The following ITSN2 variants were observed in gnomAD, a reference collection of about 807,000 sequenced individuals.
The protein encoded by ITSN2 is intersectin 2.
ITSN2 carries 156 observed loss-of-function variants against 243.7 expected under a neutral mutation model. The observed-to-expected ratio is 0.64, with a 90% CI of 0.56 to 0.73. The LOEUF is 0.73. Ranked by LOEUF, ITSN2 falls within the 30% of genes least tolerant of loss-of-function variation. The probability of loss-of-function intolerance (pLI) is 0.00; values close to 1 mark genes in which losing one functional copy is unlikely to be tolerated. For missense variants in ITSN2, 1,801 were observed against 1,996.1 expected (o/e 0.90, Z 1.86); for synonymous variants, 703 against 699.9 (o/e 1.00, Z -0.07).
chr2:24,263,057 C>T (rs1207022674), intron 20 of ITSN2, among the ~76,000 whole-genome samples: 3 of 152,158 alleles, frequency 2.0e-5, no homozygotes, highest in South Asian at 2.1e-4. Flanking sequence ...TTCTAACTTC[C>T]CCCAACCCAA....
At chr2:24,240,660 C>T (rs952743718) in intron 29 of ITSN2, 4 of 152,128 alleles carry the variant, frequency 2.6e-5, no homozygotes, top group African/African-American at 9.7e-5. Context: ...AAATATGCCT[C>T]TAACTGAAAC....
chr2:24,325,266 T>C (rs1025127337), intron 2 of ITSN2, among the ~76,000 whole-genome samples: 4 of 151,856 alleles, frequency 2.6e-5, no homozygotes, highest in Non-Finnish European at 4.4e-5. Context: ...AAAAATTAGC[T>C]GGGTGTGGTG....
intron 2 of ITSN2, among the ~76,000 whole-genome samples, chr2:24,322,151 T>C (rs914995074): frequency 9.9e-5 from 15 of 152,180 alleles, no homozygotes; most frequent in African/African-American, 3.6e-4. Context: ...AAAGATTACA[T>C]GTAATATACC....
chr2:24,318,857 C>T (rs563347961), intron 2 of ITSN2, among the ~76,000 whole-genome samples: 4 of 152,234 alleles, frequency 2.6e-5, no homozygotes, highest in Admixed American at 6.5e-5. Flanking sequence ...GGAACCTGGC[C>T]GCACAGAAGG....
intron 30 of ITSN2, among the ~76,000 whole-genome samples, chr2:24,219,169 A>G (rs375944271): frequency 9.2e-4 from 140 of 152,268 alleles, no homozygotes; most frequent in African/African-American, 3.3e-3. Flanking sequence ...GGTGGTCACT[A>G]ACCCCAGGTT....
intron 9 of ITSN2, among the ~76,000 whole-genome samples, chr2:24,303,535 TAA>T (rs1447912593): frequency 6.6e-6 from 1 of 152,252 alleles, no homozygotes; most frequent in African/African-American, 2.4e-5. Flanking sequence ...TTTACAAAGT[TAA>T]AAAGTTATTG....
At chr2:24,215,265 A>G (rs1356274571) in intron 32 of ITSN2, among the ~76,000 whole-genome samples, 1 of 152,176 alleles carries the variant, frequency 6.6e-6, no homozygotes, top group East Asian at 1.9e-4. Flanking sequence ...TTTATATATT[A>G]TCCTAATTCC....
chr2:24,279,036 T>C (rs1026904583), intron 17 of ITSN2, among the ~76,000 whole-genome samples: 2 of 152,258 alleles, frequency 1.3e-5, no homozygotes, highest in African/African-American at 4.8e-5. Flanking sequence ...TAAGTTTTAC[T>C]TTTAAAATCA....
Position 24,204,630 on chromosome 2 carries a change from G to A in ITSN2, c.4763-212C>T, listed in dbSNP as rs776945768. 14 of 653,156 alleles carry A rather than the reference G, an allele frequency of 2.1e-5. No individual in the cohort carries two copies. The highest frequency in any genetic ancestry group is 5.3e-5 in the African/African-American group (3 of 56,228). 40.5% of individuals were successfully genotyped at this position (653,156 alleles called of 1,614,324 possible). A position where few individuals can be genotyped will look rare whatever the true frequency, so the allele number is the denominator to read the frequency against. On this transcript the variant is annotated intron_variant, in intron 38 of 39. Transcript: ENST00000355123. The surrounding 1 kb of genome is among the most constrained non-coding windows in gnomAD (Gnocchi z 5.1). ...CAGCAGCATTAACTGGGGAGTGGCC[G>A]AGAGCTCCACCGCCAGGACCACTCC...
At chr2:24,343,309 C>A (rs1188857872) in intron 1 of ITSN2, among the ~76,000 whole-genome samples, 1 of 152,090 alleles carries the variant, frequency 6.6e-6, no homozygotes, top group African/African-American at 2.4e-5. Flanking sequence ...ATAGATTGTT[C>A]CAGATATTTC....
chr2:24,205,540 G>A (rs1230460344), intron 37 of ITSN2: 5 of 454,604 alleles, frequency 1.1e-5, no homozygotes, highest in African/African-American at 6.0e-5. Context: ...CCTTCAAGAT[G>A]CAGGTCTGAT....
intron 20 of ITSN2, among the ~76,000 whole-genome samples, chr2:24,267,232 G>A (rs755523259): frequency 6.6e-6 from 1 of 152,058 alleles, no homozygotes; most frequent in Non-Finnish European, 1.5e-5. Flanking sequence ...AGCGGGACCT[G>A]TCAGGGGGTG....
chr2:24,343,727 C>T (rs962314731), intron 1 of ITSN2, among the ~76,000 whole-genome samples: 1 of 152,088 alleles, frequency 6.6e-6, no homozygotes, highest in South Asian at 2.1e-4. Context: ...CAATAAGATG[C>T]GGTTTAGAGA....
chr2:24,217,807 G>T, intron 31 of ITSN2, 100 bp downstream of exon 31: 1 of 655,470 alleles, frequency 1.5e-6, no homozygotes, highest in Non-Finnish European at 2.7e-6. Flanking sequence ...GAAAGCAGTT[G>T]AAGTTCCTTT....
chr2:24,341,501 T>C (rs1044309791), intron 1 of ITSN2, among the ~76,000 whole-genome samples: 6 of 152,182 alleles, frequency 3.9e-5, no homozygotes, highest in Admixed American at 2.0e-4. Context: ...GCTATTAGTG[T>C]TGGCAATCTG....
At chr2:24,297,032 C>A (rs994728084) in intron 13 of ITSN2, among the ~76,000 whole-genome samples, 1 of 151,394 alleles carries the variant, frequency 6.6e-6, no homozygotes, top group African/African-American at 2.4e-5. Flanking sequence ...TATATATAGT[C>A]AAGATGATAT....
intron 34 of ITSN2, 147 bp downstream of exon 34, chr2:24,210,633 A>AG (rs1282308232): frequency 6.4e-6 from 4 of 624,668 alleles, no homozygotes; most frequent in Non-Finnish European, 1.0e-5. Flanking sequence ...AAAAAAAAAA[A>AG]AGAAAAAAAA....
At chr2:24,210,716 C>A in intron 34 of ITSN2, 64 bp downstream of exon 34, 2 of 1,519,556 alleles carry the variant, frequency 1.3e-6, no homozygotes, top group Non-Finnish European at 9.0e-7. Flanking sequence ...TGAGGGAAGG[C>A]TCGGAGCTGG....
In ITSN2 at chr2:24,267,837, G is replaced by A. The variant is rs191417842; in HGVS notation, c.2355+2834C>T. ...CTCTCAAAGTGCTGGGATTATGGGT[G>A]TGCACCTGCACCTGGCCAAAAGCTT... On this transcript the variant is annotated intron_variant, in intron 20 of 39. Transcript: ENST00000355123. Among the ~76,000 whole-genome samples the A allele has an allele frequency of 1.2e-4, 18 of 152,296 alleles. No individual in the cohort carries two copies. In the East Asian group the frequency reaches 3.5e-3, roughly 29 times the overall value.
Sources: allele counts gnomAD v4.1 joint callset (sites outside exome capture counted in the v4.1 genomes callset), GRCh38; gene constraint gnomAD v4.1.1; non-coding constraint Gnocchi (gnomAD v3.1); transcripts MANE v1.5; gene names NCBI Gene and HGNC (gene_info 2026-07-23, HGNC 2026-07-21).